Variants in TAFA2 observed in about 807,000 individuals in gnomAD.
TAFA2 encodes TAFA chemokine like family member 2.
In TAFA2, 7 loss-of-function variants were observed where a neutral mutation model predicts 18.8. That is an observed-to-expected ratio of 0.37 (90% CI 0.21 to 0.70). The LOEUF (loss-of-function observed/expected upper bound fraction) is 0.70, where lower values mean the gene tolerates loss of function less well. Among genes scored for constraint, TAFA2 ranks in the 30% least tolerant of loss-of-function variants. The pLI, the probability that TAFA2 is intolerant of heterozygous loss-of-function variation, is 0.53. For synonymous variants in TAFA2, 60 were observed against 54.2 expected (o/e 1.11, Z -0.47); for missense variants, 122 against 158.1 (o/e 0.77, Z 1.23).
At position 62,033,530 on chromosome 12, in the gene TAFA2, A is replaced by G. The variant is rs1592562092; in HGVS notation, c.-2+157729T>C. Reference sequence around the variant, plus strand: ...GCCTCAAGAAGAGGGCAGAGTTTCCAACAACACTGACATTATCACCTAATT... The same window carrying G: ...GCCTCAAGAAGAGGGCAGAGTTTCCGACAACACTGACATTATCACCTAATT... On this transcript the variant is annotated intron_variant, in intron 1 of 4. Coordinates refer to ENST00000416284, the MANE Select transcript of TAFA2 (RefSeq NM_178539.5). Among the ~76,000 whole-genome samples the G allele has an allele frequency of 2.0e-5, 3 of 151,268 alleles. No individual in the cohort carries two copies. The South Asian group carries it at 6.2e-4, about 31-fold the overall frequency.
At chr12:61,844,006 C>T (rs1036841143) in intron 2 of TAFA2, among the ~76,000 whole-genome samples, 12 of 152,010 alleles carry the variant, frequency 7.9e-5, no homozygotes, top group Non-Finnish European at 1.8e-4. Context: ...GCACACCTGG[C>T]TTATAAGAGG....
intron 1 of TAFA2, among the ~76,000 whole-genome samples, chr12:62,058,113 A>G (rs891208588): frequency 2.6e-5 from 4 of 152,232 alleles, no homozygotes; most frequent in African/African-American, 9.6e-5. Context: ...TTAAGATATT[A>G]TTCCACTGTC....
rs539088132 is a variant in TAFA2 at position 61,781,042 on chromosome 12, C to G, written c.107-26018G>C. The stretch of plus-strand genomic sequence containing the variant: ...ATCTAAAAATAATCCCTCACCAGCT[C>G]ACAAGGGAAATTAAGTTTTTCTAAA... On this transcript the variant is annotated intron_variant, in intron 2 of 4. Coordinates refer to ENST00000416284, the MANE Select transcript of TAFA2 (RefSeq NM_178539.5). Among the ~76,000 whole-genome samples, 9 of 151,810 alleles carry G rather than the reference C, an allele frequency of 5.9e-5. 1 individual carries two copies. Among genetic ancestry groups the G allele is most frequent in the African/African-American group, 2.2e-4 (9 of 41,492 alleles).
In TAFA2 at chr12:62,120,076, A is replaced by T. The variant is rs551891434; in HGVS notation, c.-2+71183T>A. On this transcript the variant is annotated intron_variant, in intron 1 of 4. Coordinates refer to ENST00000416284, the MANE Select transcript of TAFA2 (RefSeq NM_178539.5). ...AAACTCCATCTCAAAAAAAAACATT[A>T]AAAAAAAAAGTAAAAGTGTTTAATT... is the stretch of plus-strand genomic sequence containing the variant. Among the ~76,000 whole-genome samples the T allele has an allele frequency of 1.4e-4, 21 of 148,630 alleles. No individual in the cohort carries two copies. The East Asian group carries it at 3.7e-3, about 26-fold the overall frequency.
Position 62,034,814 on chromosome 12 carries a change from AT to A in TAFA2, c.-2+156444del, listed in dbSNP as rs1194447154. 3.9e-5 allele frequency among the ~76,000 whole-genome samples: 6 copies of A among 152,296 alleles called. No homozygotes were observed. The East Asian group carries it at 9.7e-4, about 25-fold the overall frequency. ...TAGAATCCAGTTCAGCATCAATATA[AT>A]TTTAAATTTTTAGTCATCTTTCTTA... On this transcript the variant is annotated intron_variant, in intron 1 of 4. Transcript: ENST00000416284.
chr12:62,235,013 C>T, intron 1 of TAFA2: 4 of 643,446 alleles, frequency 6.2e-6, no homozygotes, highest in Middle Eastern at 2.7e-4. Context: ...CAGGGTAAGG[C>T]ATTGTAGGGT....
chr12:62,127,383 A>G (rs1870507279), intron 1 of TAFA2, among the ~76,000 whole-genome samples: 1 of 151,996 alleles, frequency 6.6e-6, no homozygotes, highest in African/African-American at 2.4e-5. Context: ...TATTTTTTGT[A>G]GAAATTGGAC....
chr12:62,087,670 A>T (rs1356631393), intron 1 of TAFA2, among the ~76,000 whole-genome samples: 1 of 151,884 alleles, frequency 6.6e-6, no homozygotes, highest in Admixed American at 6.6e-5. Flanking sequence ...GAAGGAGCCT[A>T]GATTTTCTTC....
intron 2 of TAFA2, among the ~76,000 whole-genome samples, chr12:61,817,135 A>G (rs895333128): frequency 2.1e-5 from 3 of 146,288 alleles, no homozygotes; most frequent in African/African-American, 8.4e-5. Flanking sequence ...CTTATATGCT[A>G]CATGAGGACA....
At chr12:62,043,477 G>C (rs147996552) in intron 1 of TAFA2, among the ~76,000 whole-genome samples, 11 of 149,592 alleles carry the variant, frequency 7.4e-5, no homozygotes, top group South Asian at 4.2e-4. Context: ...GTGGGGGTAG[G>C]GGGGAGGGAT....
At chr12:62,142,506 C>A (rs1243158374) in intron 1 of TAFA2, among the ~76,000 whole-genome samples, 2 of 152,106 alleles carry the variant, frequency 1.3e-5, no homozygotes, top group Non-Finnish European at 2.9e-5. Flanking sequence ...TGGAGCCTAA[C>A]TAAAAACATA....
intron 1 of TAFA2, among the ~76,000 whole-genome samples, chr12:62,187,997 T>C (rs908495830): frequency 1.3e-5 from 2 of 152,186 alleles, no homozygotes; most frequent in African/African-American, 4.8e-5. Context: ...CATTATAAAA[T>C]CAGTGGTCCA....
At position 62,060,443 on chromosome 12, in the gene TAFA2, C is replaced by T. The variant is rs148641212; in HGVS notation, c.-2+130816G>A. On this transcript the variant is annotated intron_variant, in intron 1 of 4. Coordinates refer to ENST00000416284, the MANE Select transcript of TAFA2 (RefSeq NM_178539.5). ...AGTGATGCTGGTGTAAACAAACTTACTGTGTTGCCAGTCTTATAAAAGCGT... is the reference window on the plus strand; with the variant it reads ...AGTGATGCTGGTGTAAACAAACTTATTGTGTTGCCAGTCTTATAAAAGCGT... Among the ~76,000 whole-genome samples the T allele has an allele frequency of 3.8e-3, 576 of 152,312 alleles. 2 individuals are homozygous for T. The highest frequency in any genetic ancestry group is 0.013 in the African/African-American group (550 of 41,564).
chr12:62,234,610 A>G lies in TAFA2; in HGVS notation c.-130+24153T>C. On this transcript the variant is annotated intron_variant, in intron 1 of 5. Coordinates refer to the TAFA2 transcript ENST00000551619. ...TAAACACCTTTCCCGTTGCACAAAT[A>G]GGGCCTCTCACCCATGTGCTTGCAC... is the stretch of plus-strand genomic sequence containing the variant. The G allele has an allele frequency of 4.9e-6, 4 of 819,682 alleles. 1 individual carries two copies. In the South Asian group the frequency reaches 5.4e-5, roughly 11 times the overall value. The allele number at this position is 819,682 out of a possible 1,614,324, so 50.8% of individuals were successfully genotyped here. A position where few individuals can be genotyped will look rare whatever the true frequency, so the allele number is the denominator to read the frequency against.
intron 1 of TAFA2, among the ~76,000 whole-genome samples, chr12:61,887,110 T>A (rs1018429160): frequency 2.0e-5 from 3 of 152,176 alleles, no homozygotes; most frequent in Non-Finnish European, 4.4e-5. Flanking sequence ...CTGCCATATC[T>A]AAAAAATAAT....
At chr12:62,010,521 A>G (rs1280517173) in intron 1 of TAFA2, among the ~76,000 whole-genome samples, 1 of 152,106 alleles carries the variant, frequency 6.6e-6, no homozygotes. Context: ...TGCACCTTCC[A>G]GCCGCCTGCC....
chr12:61,897,125 A>C (rs1030753839), intron 1 of TAFA2, among the ~76,000 whole-genome samples: 3 of 152,180 alleles, frequency 2.0e-5, no homozygotes, highest in African/African-American at 7.2e-5. Context: ...AATAACAATA[A>C]CATTACCATT....
chr12:61,884,501 T>A (rs2359976), intron 1 of TAFA2, among the ~76,000 whole-genome samples: 6,468 of 152,224 alleles, frequency 0.042, 455 homozygotes, highest in African/African-American at 0.15. Flanking sequence ...TCTTTTTTAG[T>A]AGGACACCGG....
At chr12:61,832,433 T>A (rs978852356) in intron 2 of TAFA2, among the ~76,000 whole-genome samples, 9 of 152,012 alleles carry the variant, frequency 5.9e-5, no homozygotes, top group Admixed American at 1.3e-4. Context: ...GCACTAGACA[T>A]GTGAACGACC....
Sources: allele counts gnomAD v4.1 joint callset (sites outside exome capture counted in the v4.1 genomes callset), GRCh38; gene constraint gnomAD v4.1.1; transcripts MANE v1.5; gene names NCBI Gene and HGNC (gene_info 2026-07-23, HGNC 2026-07-21).